Variants in PITPNC1 observed in about 807,000 individuals in gnomAD.
PITPNC1 encodes the protein cytoplasmic phosphatidylinositol transfer protein 1.
In PITPNC1, 18 loss-of-function variants were observed where a neutral mutation model predicts 44.7. That is an observed-to-expected ratio of 0.40 (90% CI 0.28 to 0.60). The LOEUF (loss-of-function observed/expected upper bound fraction) is 0.60, where lower values mean the gene tolerates loss of function less well. Among genes scored for constraint, PITPNC1 ranks in the 20% least tolerant of loss-of-function variants. PITPNC1 has a pLI of 0.39. For missense variants in PITPNC1, 290 were observed against 418.4 expected (o/e 0.69, Z 2.68); for synonymous variants, 141 against 149.6 (o/e 0.94, Z 0.42).
rs115230801 is a variant in PITPNC1, at chr17:67,445,250, T to G, written c.48+67048T>G. 6.9e-3 allele frequency among the ~76,000 whole-genome samples: 1,048 copies of G among 152,142 alleles called. 18 individuals carry two copies. The highest frequency in any genetic ancestry group is 0.024 in the African/African-American group (979 of 41,532). The stretch of plus-strand genomic sequence containing the variant: ...GGGAATGGATCAGAGGTGATTGTTT[T>G]CTTTTTTGCCAGGTCTAGACGTTAG... On this transcript the variant is annotated intron_variant, in intron 1 of 8. Transcript: ENST00000581322.
chr17:67,689,969 G>GT (rs1286898217), intron 8 of PITPNC1, among the ~76,000 whole-genome samples: 1 of 151,954 alleles, frequency 6.6e-6, no homozygotes, highest in Non-Finnish European at 1.5e-5. Flanking sequence ...TTAAAAATTG[G>GT]TAAGTTTATA....
At chr17:67,557,611 C>T (rs1288499217) in intron 4 of PITPNC1, among the ~76,000 whole-genome samples, 1 of 152,168 alleles carries the variant, frequency 6.6e-6, no homozygotes, top group African/African-American at 2.4e-5. Context: ...CTCTCTGGCT[C>T]TAGTGCAGTC....
intron 4 of PITPNC1, among the ~76,000 whole-genome samples, chr17:67,567,490 A>G (rs1023757987): frequency 1.3e-5 from 2 of 151,856 alleles, no homozygotes; most frequent in Non-Finnish European, 2.9e-5. Context: ...TCTCCAAAAA[A>G]AAAAGAAATA....
At chr17:67,384,459 T>C (rs2038010908) in intron 1 of PITPNC1, among the ~76,000 whole-genome samples, 2 of 149,636 alleles carry the variant, frequency 1.3e-5, no homozygotes, top group South Asian at 4.2e-4. Context: ...GGAGTCTCGC[T>C]CTTTCGCCCA....
intron 1 of PITPNC1, among the ~76,000 whole-genome samples, chr17:67,513,369 C>CTATATCTA (rs1441240923): frequency 8.5e-5 from 12 of 140,532 alleles, no homozygotes; most frequent in African/African-American, 3.3e-4. Context: ...ATATCTATAT[C>CTATATCTA]TATATCTATA....
chr17:67,482,091 C>T (rs2039712393), intron 1 of PITPNC1, among the ~76,000 whole-genome samples: 2 of 132,052 alleles, frequency 1.5e-5, no homozygotes, highest in African/African-American at 2.8e-5. Flanking sequence ...TCATATTTTC[C>T]TACTGACTGA....
intron 6 of PITPNC1, among the ~76,000 whole-genome samples, chr17:67,640,731 T>A (rs2042084313): frequency 6.8e-6 from 1 of 147,292 alleles, no homozygotes; most frequent in Admixed American, 6.8e-5. Context: ...GGCTCACACC[T>A]GTAATCCTAG....
chr17:67,450,595 G>T (rs1024197714), intron 1 of PITPNC1, among the ~76,000 whole-genome samples: 1 of 151,822 alleles, frequency 6.6e-6, no homozygotes, highest in Non-Finnish European at 1.5e-5. Flanking sequence ...CCACTAATTT[G>T]TTGTAGTTTT....
At chr17:67,425,197 G>GCGCACGCA (rs748898605) in intron 1 of PITPNC1, among the ~76,000 whole-genome samples, 12 of 98,468 alleles carry the variant, frequency 1.2e-4, no homozygotes, top group Non-Finnish European at 1.7e-4. Context: ...GCGCGCGCAC[G>GCGCACGCA]CACACGCACA....
intron 1 of PITPNC1, among the ~76,000 whole-genome samples, chr17:67,526,364 A>G (rs1209457897): frequency 6.6e-6 from 1 of 152,102 alleles, no homozygotes; most frequent in Non-Finnish European, 1.5e-5. Flanking sequence ...TATTGTTGGC[A>G]CTCATTTGAT....
chr17:67,604,034 C>T (rs905336976), intron 5 of PITPNC1, among the ~76,000 whole-genome samples: 3 of 152,012 alleles, frequency 2.0e-5, no homozygotes, highest in African/African-American at 7.2e-5. Context: ...AAATAAGTCA[C>T]TCCCATCTTA....
At chr17:67,482,372 T>G (rs1479152642) in intron 1 of PITPNC1, among the ~76,000 whole-genome samples, 3 of 152,192 alleles carry the variant, frequency 2.0e-5, no homozygotes, top group East Asian at 3.8e-4. Flanking sequence ...CTCCCTTGGA[T>G]AGAAATTTTT....
chr17:67,493,739 G>A (rs372368701), intron 1 of PITPNC1, among the ~76,000 whole-genome samples: 1 of 152,188 alleles, frequency 6.6e-6, no homozygotes, highest in Non-Finnish European at 1.5e-5. Context: ...CCCTCCAGAC[G>A]TGAGATGGGT....
At chr17:67,612,653 G>A (rs1340248723) in intron 5 of PITPNC1, 1 of 151,492 alleles carries the variant, frequency 6.6e-6, no homozygotes, top group East Asian at 2.0e-4. Flanking sequence ...GTTGGGGTGT[G>A]GCTGGGTGGA....
chr17:67,461,566 G>C (rs1375386860), intron 1 of PITPNC1, among the ~76,000 whole-genome samples: 1 of 152,212 alleles, frequency 6.6e-6, no homozygotes, highest in African/African-American at 2.4e-5. Context: ...GTGCAGTCTG[G>C]TGAATCAGAA....
intron 5 of PITPNC1, among the ~76,000 whole-genome samples, chr17:67,618,272 C>T (rs557477863): frequency 1.5e-5 from 2 of 137,330 alleles, no homozygotes; most frequent in African/African-American, 5.5e-5. Context: ...GGCTGAGGCA[C>T]GAGAATCACT....
At chr17:67,478,416 T>C (rs1178406479) in intron 1 of PITPNC1, among the ~76,000 whole-genome samples, 10 of 152,198 alleles carry the variant, frequency 6.6e-5, no homozygotes, top group African/African-American at 1.9e-4. Flanking sequence ...GCAGTCCCTG[T>C]TCAACCTCTT....
chr17:67,490,156 G>C (rs1225592947), intron 1 of PITPNC1, among the ~76,000 whole-genome samples: 1 of 113,044 alleles, frequency 8.8e-6, no homozygotes, highest in Non-Finnish European at 1.9e-5. Flanking sequence ...GTGTGTGTGT[G>C]TGTGTTTTAA....
chr17:67,672,799 C>T (rs1240771851), intron 7 of PITPNC1, among the ~76,000 whole-genome samples: 2 of 152,100 alleles, frequency 1.3e-5, no homozygotes, highest in African/African-American at 4.8e-5. Context: ...CACCTGCTCT[C>T]GCACGTGAGT....
Sources: allele counts gnomAD v4.1 joint callset (sites outside exome capture counted in the v4.1 genomes callset), GRCh38; gene constraint gnomAD v4.1.1; transcripts MANE v1.5; gene names NCBI Gene and HGNC (gene_info 2026-07-23, HGNC 2026-07-21).